Variants in IKZF1 observed in about 807,000 individuals in gnomAD.
IKZF1 encodes the protein IKAROS family zinc finger 1.
IKZF1 carries 10 observed loss-of-function variants against 51.7 expected under a neutral mutation model. The observed-to-expected ratio is 0.19, with a 90% CI of 0.12 to 0.33. The LOEUF (loss-of-function observed/expected upper bound fraction) is 0.33. Ranked by LOEUF, IKZF1 falls within the 10% of genes least tolerant of loss-of-function variation. The probability of loss-of-function intolerance (pLI) is 1.00; values close to 1 mark genes in which losing one functional copy is unlikely to be tolerated. For synonymous variants in IKZF1, 280 were observed against 282.3 expected, an observed-to-expected ratio of 0.99 and a Z score of 0.08; for missense variants, 484 against 707.5, an observed-to-expected ratio of 0.68 and a Z score of 3.58.
chr7:50,394,067 C>G (rs905853844), intron 7 of IKZF1: 4 of 232,296 alleles, frequency 1.7e-5, no homozygotes, highest in Non-Finnish European at 2.6e-5. Flanking sequence ...GCTTGAGATG[C>G]TTCTGTGTTA....
At chr7:50,347,248 G>A (rs1249819959) in intron 3 of IKZF1, among the ~76,000 whole-genome samples, 2 of 151,970 alleles carry the variant, frequency 1.3e-5, no homozygotes, top group Admixed American at 6.6e-5. Flanking sequence ...AGCCTTTTTT[G>A]GAAACAGCCT....
intron 3 of IKZF1, among the ~76,000 whole-genome samples, chr7:50,361,556 T>C (rs769248423): frequency 3.9e-5 from 6 of 152,148 alleles, no homozygotes; most frequent in Non-Finnish European, 7.3e-5. Context: ...TCCAGGAAGA[T>C]TGCACATGGC....
chr7:50,316,160 T>C (rs965502736), intron 1 of IKZF1, among the ~76,000 whole-genome samples: 2 of 152,124 alleles, frequency 1.3e-5, no homozygotes, highest in Non-Finnish European at 2.9e-5. Context: ...CGTCAAGTCA[T>C]CCTTTATGAT....
intron 1 of IKZF1, among the ~76,000 whole-genome samples, chr7:50,309,683 C>G (rs969699638): frequency 6.6e-6 from 1 of 152,196 alleles, no homozygotes; most frequent in Non-Finnish European, 1.5e-5. Context: ...GAGTCCTGTT[C>G]TGAAGCTAGG....
intron 2 of IKZF1, 114 bp downstream of exon 2, chr7:50,319,215 G>T (rs913977655): frequency 5.4e-6 from 4 of 743,514 alleles, no homozygotes; most frequent in African/African-American, 1.8e-5. Context: ...TTCTGCAAAA[G>T]AAAAGACCAT....
At chr7:50,384,114 C>T (rs1237233251) in intron 5 of IKZF1, among the ~76,000 whole-genome samples, 1 of 152,204 alleles carries the variant, frequency 6.6e-6, no homozygotes, top group Non-Finnish European at 1.5e-5. Context: ...AAGGGAGGGG[C>T]TTCTGAAGTA....
intron 3 of IKZF1, among the ~76,000 whole-genome samples, chr7:50,336,879 A>G (rs1797918191): frequency 6.6e-6 from 1 of 152,182 alleles, no homozygotes; most frequent in Non-Finnish European, 1.5e-5. Context: ...GGGACAGCCA[A>G]CAAAACAGCA....
chr7:50,384,209 C>T (rs1399341105), intron 5 of IKZF1, among the ~76,000 whole-genome samples: 1 of 152,176 alleles, frequency 6.6e-6, no homozygotes, highest in African/African-American at 2.4e-5. Context: ...GAGAGGGGTG[C>T]GGCACCCATG....
chr7:50,372,059 A>G (rs1253768337), intron 3 of IKZF1, among the ~76,000 whole-genome samples: 1 of 152,200 alleles, frequency 6.6e-6, no homozygotes, highest in African/African-American at 2.4e-5. Flanking sequence ...AGATTTTGAG[A>G]TACAATCTGT....
At chr7:50,315,646 G>A (rs1398114059) in intron 1 of IKZF1, among the ~76,000 whole-genome samples, 3 of 152,220 alleles carry the variant, frequency 2.0e-5, no homozygotes, top group Non-Finnish European at 4.4e-5. Flanking sequence ...CCCAGGCAAA[G>A]TAGAAAACTG....
chr7:50,384,355 C>G (rs1812750401), intron 5 of IKZF1, among the ~76,000 whole-genome samples: 1 of 152,222 alleles, frequency 6.6e-6, no homozygotes, highest in South Asian at 2.1e-4. Flanking sequence ...CCTGGCGGTG[C>G]ACATGGAGAA....
intron 3 of IKZF1, chr7:50,368,877 A>G: frequency 4.5e-6 from 1 of 220,474 alleles, no homozygotes; most frequent in Admixed American, 5.8e-5. Flanking sequence ...CACTGTGACA[A>G]TTATAATTAT....
chr7:50,371,772 C>T (rs1933153486), intron 3 of IKZF1, among the ~76,000 whole-genome samples: 1 of 152,252 alleles, frequency 6.6e-6, no homozygotes, highest in Admixed American at 6.5e-5. Flanking sequence ...ACTGACTCTT[C>T]CAAACCTGCA....
chr7:50,397,622 G>A (rs1355988482), intron 7 of IKZF1, among the ~76,000 whole-genome samples: 1 of 152,164 alleles, frequency 6.6e-6, no homozygotes, highest in East Asian at 1.9e-4. Context: ...ATTTGGTAGA[G>A]GGATAGACTT....
chr7:50,352,339 T>C (rs1419444779), intron 3 of IKZF1, among the ~76,000 whole-genome samples: 3 of 152,214 alleles, frequency 2.0e-5, no homozygotes, highest in Non-Finnish European at 4.4e-5. Flanking sequence ...TGCTGGGAAT[T>C]ACAATAAGAA....
chr7:50,327,410 A>G, intron 2 of IKZF1: 1 of 407,058 alleles, frequency 2.5e-6, no homozygotes, highest in Non-Finnish European at 4.4e-6. Flanking sequence ...CTGGGATTAT[A>G]GGTGATTGTA....
intron 3 of IKZF1, among the ~76,000 whole-genome samples, chr7:50,338,496 A>G (rs956145079): frequency 0.016 from 2,390 of 152,332 alleles, 26 homozygotes; most frequent in African/African-American, 0.022. Flanking sequence ...ATGGGGTTTC[A>G]GAAAGAAATG....
chr7:50,327,494 A>G, intron 2 of IKZF1, 144 bp from the exon 3 acceptor site: 1 of 892,752 alleles, frequency 1.1e-6, no homozygotes, highest in Non-Finnish European at 1.6e-6. Flanking sequence ...TATAAAAAGA[A>G]AAAGGTATAT....
Position 50,403,791 on chromosome 7 carries a change from T to G in IKZF1, c.*3164T>G, listed in dbSNP as rs1426920313. The G allele has an allele frequency of 4.4e-6, 1 of 226,434 alleles. No individual in the cohort carries two copies. The highest frequency in any genetic ancestry group is 2.2e-5 in the African/African-American group (1 of 44,918). The allele number at this position is 226,434 out of a possible 1,614,324, so 14.0% of individuals were successfully genotyped here. A position where few individuals can be genotyped will look rare whatever the true frequency, so the allele number is the denominator to read the frequency against. On this transcript the variant is annotated 3_prime_UTR_variant, in exon 8 of 8. Coordinates refer to ENST00000331340, the MANE Select transcript of IKZF1 (RefSeq NM_006060.6). ...CCTGAGATGTAGTTTTGTTATATGG[T>G]TCCCCACCGACCATTTTTGTGCTTT...
Sources: allele counts gnomAD v4.1 joint callset (sites outside exome capture counted in the v4.1 genomes callset), GRCh38; gene constraint gnomAD v4.1.1; transcripts MANE v1.5; gene names NCBI Gene and HGNC (gene_info 2026-07-23, HGNC 2026-07-21).